SOS2: variants seen among roughly 807,000 people sequenced by gnomAD.
SOS2 encodes the protein son of sevenless homolog 2.
Under a neutral mutation model 148.2 loss-of-function variants are expected in SOS2, and 65 were observed. The ratio of observed to expected loss-of-function variants is 0.44; its 90% CI spans 0.36 to 0.54. The LOEUF is 0.54. Ranked by LOEUF, SOS2 falls within the 20% of genes least tolerant of loss-of-function variation. SOS2 has a pLI of 0.00. For synonymous variants in SOS2, 539 were observed against 537.1 expected, an observed-to-expected ratio of 1.00 and a Z score of -0.05; for missense variants, 1,341 against 1,590.2, an observed-to-expected ratio of 0.84 and a Z score of 2.67.
At chr14:50,223,120 T>C (rs1887246972) in intron 1 of SOS2, among the ~76,000 whole-genome samples, 1 of 152,238 alleles carries the variant, frequency 6.6e-6, no homozygotes, top group Admixed American at 6.5e-5. Context: ...TTAAGATTTT[T>C]AGTTTGAGCA....
At chr14:50,155,476 A>G (rs749707959) in intron 12 of SOS2, among the ~76,000 whole-genome samples, 3 of 152,114 alleles carry the variant, frequency 2.0e-5, no homozygotes, top group Non-Finnish European at 4.4e-5. Context: ...CTACCTATCT[A>G]AAGCCTATAC....
At position 50,219,425 on chromosome 14, in the gene SOS2, G is replaced by A. The variant is rs147483998; in HGVS notation, c.87+11772C>T. Among the ~76,000 whole-genome samples the A allele has an allele frequency of 2.5e-3, 381 of 152,216 alleles. 3 individuals are homozygous for A. Among genetic ancestry groups the A allele is most frequent in the African/African-American group, 8.5e-3 (352 of 41,548 alleles). Reference sequence around the variant, plus strand: ...CTGAAAGCCAGATTGAAAAAAAAGAGTATGTACTGTATGATTCTATCAGTA... The same window carrying A: ...CTGAAAGCCAGATTGAAAAAAAAGAATATGTACTGTATGATTCTATCAGTA... On this transcript the variant is annotated intron_variant, in intron 1 of 22. Coordinates refer to ENST00000216373, the MANE Select transcript of SOS2 (RefSeq NM_006939.4).
intron 12 of SOS2, among the ~76,000 whole-genome samples, chr14:50,154,730 TA>T (rs1884761401): frequency 6.6e-6 from 1 of 152,162 alleles, no homozygotes; most frequent in Non-Finnish European, 1.5e-5. Flanking sequence ...ATTAAGACTC[TA>T]AAACAGGTAA....
intron 19 of SOS2, among the ~76,000 whole-genome samples, chr14:50,131,069 A>G (rs1012241616): frequency 9.2e-5 from 14 of 152,232 alleles, no homozygotes; most frequent in African/African-American, 3.1e-4. Flanking sequence ...CTCTTTGAAA[A>G]TATCTATATA....
chr14:50,119,915 G>T (rs1265947684), intron 22 of SOS2, among the ~76,000 whole-genome samples: 1 of 146,760 alleles, frequency 6.8e-6, no homozygotes, highest in African/African-American at 2.5e-5. Flanking sequence ...AGGTTCAAGC[G>T]CTTCTCCTGC....
chr14:50,211,206 T>G (rs1886859245), intron 1 of SOS2, among the ~76,000 whole-genome samples: 1 of 152,200 alleles, frequency 6.6e-6, no homozygotes, highest in African/African-American at 2.4e-5. Flanking sequence ...AGTATTAAAA[T>G]AAGAAGTCAA....
chr14:50,187,289 A>G (rs1438711636), intron 5 of SOS2, among the ~76,000 whole-genome samples: 1 of 151,546 alleles, frequency 6.6e-6, no homozygotes, highest in African/African-American at 2.4e-5. Flanking sequence ...CTGAGATTAC[A>G]GGCATGAGCC....
intron 4 of SOS2, 21 bp downstream of exon 4, chr14:50,199,670 T>G: frequency 1.3e-6 from 2 of 1,489,344 alleles, no homozygotes; most frequent in Middle Eastern, 1.8e-4. Flanking sequence ...AAGTTAAATT[T>G]AAATACCTTG....
intron 5 of SOS2, among the ~76,000 whole-genome samples, chr14:50,186,700 T>C (rs1467132441): frequency 6.6e-6 from 1 of 152,066 alleles, no homozygotes; most frequent in Non-Finnish European, 1.5e-5. Flanking sequence ...CTCAGGATTG[T>C]TATAAGGGTC....
At position 50,123,453 on chromosome 14, in the gene SOS2, C is replaced by T. The variant is rs1225657230; in HGVS notation, c.3380-3069G>A. 2.8e-5 allele frequency among the ~76,000 whole-genome samples: 4 copies of T among 143,898 alleles called. No homozygotes were observed. In the Admixed American group the frequency reaches 2.9e-4, roughly 11 times the overall value. 94.4% of individuals were successfully genotyped at this position (143,898 alleles called of 152,430 possible). Reference sequence around the variant, plus strand: ...CTGGAGAGCAGTGGTGTGATCTCAGCTCACTGCAACCTCCGCCTCCCGGAT... The same window carrying T: ...CTGGAGAGCAGTGGTGTGATCTCAGTTCACTGCAACCTCCGCCTCCCGGAT... On this transcript the variant is annotated intron_variant, in intron 21 of 22. Coordinates refer to ENST00000216373, the MANE Select transcript of SOS2 (RefSeq NM_006939.4).
chr14:50,156,711 A>G (rs1280556511), intron 12 of SOS2: 3 of 160,686 alleles, frequency 1.9e-5, no homozygotes, highest in Admixed American at 1.3e-4. Context: ...ACAATAAAAA[A>G]TAGGTATCCT....
Position 50,231,047 on chromosome 14 carries a change from G to T in SOS2, c.87+150C>A, listed in dbSNP as rs1156296205. The T allele has an allele frequency of 1.1e-5, 6 of 567,096 alleles. No individual in the cohort carries two copies. In the East Asian group the frequency reaches 1.5e-4, roughly 14 times the overall value. The allele number at this position is 567,096 out of a possible 1,614,324, so 35.1% of individuals were successfully genotyped here. The stretch of plus-strand genomic sequence containing the variant: ...AAACTTGAGAAACGTCCTTCAGAAT[G>T]CAACAGGCAATTGTGAGCCCCCCAT... On this transcript the variant is annotated intron_variant, in intron 1 of 22. Transcript: ENST00000216373.
rs750417695 is a variant in SOS2, at chr14:50,166,387, T to C, written c.1069-4778A>G. On this transcript the variant is annotated intron_variant, in intron 8 of 22. Transcript: ENST00000216373. ...TTGGACTACAGGCATTGCCACCACATCCAGCTAATTTTTGAATTTTTTGTA... is the reference window on the plus strand; with the variant it reads ...TTGGACTACAGGCATTGCCACCACACCCAGCTAATTTTTGAATTTTTTGTA... Among the ~76,000 whole-genome samples the C allele has an allele frequency of 3.2e-4, 49 of 152,090 alleles. No homozygotes were observed. The Middle Eastern group carries it at 0.014, about 42-fold the overall frequency.
At chr14:50,165,449 C>A (rs1196068929) in intron 8 of SOS2, among the ~76,000 whole-genome samples, 1 of 152,100 alleles carries the variant, frequency 6.6e-6, no homozygotes, top group African/African-American at 2.4e-5. Flanking sequence ...AGGACGAATA[C>A]CCAAAACCAT....
intron 12 of SOS2, chr14:50,156,351 T>G (rs1423020542): frequency 6.6e-6 from 1 of 152,110 alleles, no homozygotes; most frequent in Non-Finnish European, 1.5e-5. Flanking sequence ...CTCAAATTAC[T>G]TCACCTTGCT....
rs183220028 is a variant in SOS2 at position 50,187,378 on chromosome 14, C to T, written c.714+1119G>A. 0.011 allele frequency among the ~76,000 whole-genome samples: 1,315 copies of T among 122,404 alleles called. 15 individuals carry two copies. The Middle Eastern group carries it at 0.13, about 12-fold the overall frequency. The allele number at this position is 122,404 out of a possible 152,430, so 80.3% of individuals were successfully genotyped here. A position where few individuals can be genotyped will look rare whatever the true frequency, so the allele number is the denominator to read the frequency against. On this transcript the variant is annotated intron_variant, in intron 5 of 22. Transcript: ENST00000216373. Reference sequence around the variant, plus strand: ...TTTTTTTTTTTTTGAGAAGAAGTCTCGCTCTGTCGCCCAGGCTGGAGTGCA... The same window carrying T: ...TTTTTTTTTTTTTGAGAAGAAGTCTTGCTCTGTCGCCCAGGCTGGAGTGCA...
chr14:50,171,464 T>C (rs1361373216), intron 8 of SOS2, among the ~76,000 whole-genome samples: 4 of 151,798 alleles, frequency 2.6e-5, no homozygotes, highest in African/African-American at 9.7e-5. Context: ...GATGGACAGA[T>C]CATGAGGTCA....
At chr14:50,187,464 C>T (rs1257437644) in intron 5 of SOS2, among the ~76,000 whole-genome samples, 1 of 151,198 alleles carries the variant, frequency 6.6e-6, no homozygotes, top group Non-Finnish European at 1.5e-5. Context: ...TCTCCTGCCT[C>T]AGCCTCCGGA....
chr14:50,217,944 G>A (rs1193581330), intron 1 of SOS2, among the ~76,000 whole-genome samples: 1 of 151,370 alleles, frequency 6.6e-6, no homozygotes, highest in South Asian at 2.1e-4. Flanking sequence ...GACAGAGCGA[G>A]ACTCTGTCTC....
Sources: gnomAD v4.1 joint callset for allele counts (sites outside exome capture counted in the v4.1 genomes callset) on GRCh38, gnomAD v4.1.1 for gene constraint, MANE v1.5 for transcripts, NCBI Gene and HGNC (gene_info 2026-07-23, HGNC 2026-07-21) for gene names.